ELMOD3: variants seen among roughly 807,000 people sequenced by gnomAD.
ELMOD3 encodes ELMO domain containing 3.
ELMOD3 carries 36 observed loss-of-function variants against 47.4 expected under a neutral mutation model. The ratio of observed to expected loss-of-function variants is 0.76; its 90% CI spans 0.58 to 1.00. The LOEUF (loss-of-function observed/expected upper bound fraction) is 1.00, where lower values mean the gene tolerates loss of function less well. ELMOD3 is among the 50% of genes least tolerant of loss of function. ELMOD3 has a pLI of 0.00. For missense variants in ELMOD3, 404 were observed against 463.8 expected, an observed-to-expected ratio of 0.87 and a Z score of 1.18; for synonymous variants, 149 against 183.5, an observed-to-expected ratio of 0.81 and a Z score of 1.52.
chr2:85,386,277 A>G (rs1685912970), intron 11 of ELMOD3, among the ~76,000 whole-genome samples: 1 of 151,894 alleles, frequency 6.6e-6, no homozygotes, highest in South Asian at 2.1e-4. Flanking sequence ...GTTTCAGTGC[A>G]GTATTTTAGC....
At chr2:85,374,569 T>A (rs957225102) in intron 10 of ELMOD3, among the ~76,000 whole-genome samples, 1 of 151,984 alleles carries the variant, frequency 6.6e-6, no homozygotes, top group East Asian at 2.0e-4. Flanking sequence ...CTTGAACTCC[T>A]GACCTCAAAT....
At chr2:85,364,722 T>G (rs1350724037) in intron 6 of ELMOD3, among the ~76,000 whole-genome samples, 1 of 150,370 alleles carries the variant, frequency 6.7e-6, no homozygotes, top group East Asian at 1.9e-4. Flanking sequence ...CATTTGGACA[T>G]CTGTGAAGTT....
At chr2:85,364,101 C>T (rs1376228564) in intron 6 of ELMOD3, among the ~76,000 whole-genome samples, 1 of 151,954 alleles carries the variant, frequency 6.6e-6, no homozygotes, top group Admixed American at 6.6e-5. Context: ...TGCACCCATA[C>T]CTGGCCACTA....
At chr2:85,359,719 G>A (rs1420168765) in intron 4 of ELMOD3, among the ~76,000 whole-genome samples, 3 of 152,030 alleles carry the variant, frequency 2.0e-5, no homozygotes, top group Admixed American at 6.6e-5. Flanking sequence ...TGTGAGCCAC[G>A]GTGCCTGGTG....
rs1224340659 is a variant in ELMOD3, at chr2:85,364,804, C to CATATATATATAT, written c.199+1649_199+1660dup. ...ACATTAATAATTTTTACTTTAAATA[C>CATATATATATAT]ATATATATATATATATATATATTTT... On this transcript the variant is annotated intron_variant, in intron 6 of 13. Coordinates refer to ENST00000409013, the MANE Select transcript of ELMOD3 (RefSeq NM_001135022.2). 4.6e-3 allele frequency among the ~76,000 whole-genome samples: 361 copies of CATATATATATAT among 77,988 alleles called. 7 individuals carry two copies. The highest frequency in any genetic ancestry group is 0.01 in the Middle Eastern group (1 of 96). 51.2% of individuals were successfully genotyped at this position (77,988 alleles called of 152,430 possible).
chr2:85,381,693 T>C lies in ELMOD3; in HGVS notation c.738+4219T>C, dbSNP rs115152643. Among the ~76,000 whole-genome samples the C allele has an allele frequency of 2.2e-3, 337 of 152,350 alleles. 1 individual carries two copies. Among genetic ancestry groups the C allele is most frequent in the African/African-American group, 7.9e-3 (330 of 41,592 alleles). ...GCTCTTGCAATCTCATGCACCCACC[T>C]CTTCCGCAATAGTCCCTGGGCCTTG... is the stretch of plus-strand genomic sequence containing the variant. On this transcript the variant is annotated intron_variant, in intron 11 of 13. Coordinates refer to ENST00000409013, the MANE Select transcript of ELMOD3 (RefSeq NM_001135022.2).
At chr2:85,390,390 G>C in intron 13 of ELMOD3, 125 bp downstream of exon 13, 1 of 1,614,056 alleles carries the variant, frequency 6.2e-7, no homozygotes, top group Non-Finnish European at 8.5e-7. Flanking sequence ...TCAAATTCCA[G>C]CTTACCAAAA....
chr2:85,357,157 G>T lies in ELMOD3; in HGVS notation c.-42G>T. On this transcript the variant is annotated 5_prime_UTR_variant, in exon 4 of 14. Coordinates refer to ENST00000409013, the MANE Select transcript of ELMOD3 (RefSeq NM_001135022.2). Reference sequence around the variant, plus strand: ...CTCAGACCTTACTAAAATGCTTTCTGGGCCCAAGGACAAAGCTCACATGAA... The same window carrying T: ...CTCAGACCTTACTAAAATGCTTTCTTGGCCCAAGGACAAAGCTCACATGAA... The T allele has an allele frequency of 6.7e-7, 1 of 1,486,384 alleles. No homozygotes were observed. Among genetic ancestry groups the T allele is most frequent in the East Asian group, 2.3e-5 (1 of 43,438 alleles). The allele number at this position is 1,486,384 out of a possible 1,614,324, so 92.1% of individuals were successfully genotyped here.
chr2:85,377,799 G>C (rs997073447), intron 11 of ELMOD3, among the ~76,000 whole-genome samples: 14 of 152,150 alleles, frequency 9.2e-5, no homozygotes, highest in Non-Finnish European at 1.8e-4. Flanking sequence ...TGCAGAAAGG[G>C]TACACTCACT....
In ELMOD3 at chr2:85,386,990, G is replaced by A. The variant is rs189839796; in HGVS notation, c.739-2761G>A. 2.8e-4 allele frequency: 334 copies of A among 1,211,900 alleles called. 1 individual carries two copies. In the African/African-American group the frequency reaches 4.6e-3, roughly 17 times the overall value. The allele number at this position is 1,211,900 out of a possible 1,614,324, so 75.1% of individuals were successfully genotyped here. The stretch of plus-strand genomic sequence containing the variant: ...GCACTCCAGCCTGAGCAACAAGAGC[G>A]AAACTCCGTCTCAAAAAAAGAATGT... On this transcript the variant is annotated intron_variant, in intron 11 of 13. Transcript: ENST00000409013.
chr2:85,377,651 C>T (rs567590884), intron 11 of ELMOD3, among the ~76,000 whole-genome samples, 177 bp downstream of exon 11: 28 of 152,322 alleles, frequency 1.8e-4, no homozygotes, highest in African/African-American at 5.8e-4. Context: ...GCAAGTTCCT[C>T]GACTCCTCAG....
At chr2:85,371,897 G>A (rs2104593626) in intron 10 of ELMOD3, 1 of 255,808 alleles carries the variant, frequency 3.9e-6, no homozygotes. Context: ...AGGGTGGGGT[G>A]CGGTGGCCTG....
intron 6 of ELMOD3, 39 bp from the exon 7 acceptor site, chr2:85,368,647 C>T (rs750804968): frequency 7.5e-6 from 12 of 1,609,226 alleles, no homozygotes; most frequent in African/African-American, 1.3e-5. Flanking sequence ...CCAGACATAC[C>T]TAGATCTCAG....
chr2:85,383,073 C>CAA (rs565248845), intron 11 of ELMOD3, among the ~76,000 whole-genome samples: 24,984 of 136,878 alleles, frequency 0.18, 2,470 homozygotes, highest in African/African-American at 0.25. Flanking sequence ...AGTAAAACTC[C>CAA]AAAAAAAAAA....
At chr2:85,367,172 C>T (rs1454113146) in intron 6 of ELMOD3, among the ~76,000 whole-genome samples, 1 of 152,192 alleles carries the variant, frequency 6.6e-6, no homozygotes, top group Non-Finnish European at 1.5e-5. Flanking sequence ...AAAACCTGCC[C>T]TCATGTAGCT....
At chr2:85,387,131 G>A in intron 11 of ELMOD3, 1 of 1,300,684 alleles carries the variant, frequency 7.7e-7, no homozygotes, top group Non-Finnish European at 1.0e-6. Context: ...ATGATATTAT[G>A]CAAGTATATA....
intron 4 of ELMOD3, 86 bp from the exon 5 acceptor site, chr2:85,362,100 T>TA (rs368398168): frequency 0.027 from 20,474 of 749,860 alleles, 1 homozygote; most frequent in East Asian, 0.04. Context: ...ACTTAAAAGT[T>TA]AAAAAAAAAA....
In ELMOD3 at chr2:85,371,436, G is replaced by T. The variant is rs1298073685; in HGVS notation, c.485-4G>T. 6.2e-7 allele frequency: 1 copy of T among 1,614,064 alleles called. No individual in the cohort carries two copies. The highest frequency in any genetic ancestry group is 2.2e-5 in the East Asian group (1 of 44,898). On this transcript the variant is annotated splice_polypyrimidine_tract_variant and splice_region_variant and intron_variant, in intron 9 of 13. Coordinates refer to ENST00000409013, the MANE Select transcript of ELMOD3 (RefSeq NM_001135022.2). ...GCAGAGAGTGTGGGTGTGTTTTGGG[G>T]CAGGTGGCCTGGATAGCCAAGACCC...
At chr2:85,365,768 C>G (rs1009618485) in intron 6 of ELMOD3, among the ~76,000 whole-genome samples, 2 of 152,168 alleles carry the variant, frequency 1.3e-5, no homozygotes, top group Non-Finnish European at 2.9e-5. Context: ...CTGCTCCTGG[C>G]TCACAGACTT....
Sources: allele counts gnomAD v4.1 joint callset (sites outside exome capture counted in the v4.1 genomes callset), GRCh38; gene constraint gnomAD v4.1.1; transcripts MANE v1.5; gene names NCBI Gene and HGNC (gene_info 2026-07-23, HGNC 2026-07-21).